SERAC1: variants seen among roughly 807,000 people sequenced by gnomAD.
SERAC1 encodes serine active site containing 1.
SERAC1 carries 36 observed loss-of-function variants against 85.7 expected under a neutral mutation model. The ratio of observed to expected loss-of-function variants is 0.42; its 90% CI spans 0.32 to 0.55. The LOEUF (loss-of-function observed/expected upper bound fraction) is 0.55. SERAC1 is among the 20% of genes least tolerant of loss of function. The pLI, the probability that SERAC1 is intolerant of heterozygous loss-of-function variation, is 0.11. For synonymous variants in SERAC1, 242 were observed against 265.3 expected, an observed-to-expected ratio of 0.91 and a Z score of 0.85; for missense variants, 629 against 796.2, an observed-to-expected ratio of 0.79 and a Z score of 2.53.
At position 158,148,829 on chromosome 6, in the gene SERAC1, CT is replaced by C. The variant is rs760898011; in HGVS notation, c.355+35del. ...GATCATTCCAATGACTTTCAGATTA[CT>C]GATAAGGATTCCAAGTCATATAGTG... is the stretch of plus-strand genomic sequence containing the variant. On this transcript the variant is annotated intron_variant, in intron 5 of 16. Transcript: ENST00000647468. The C allele has an allele frequency of 7.1e-6, 10 of 1,403,376 alleles. No individual in the cohort carries two copies. The East Asian group carries it at 2.1e-4, about 29-fold the overall frequency. The allele number at this position is 1,403,376 out of a possible 1,614,324, so 86.9% of individuals were successfully genotyped here.
chr6:158,109,821 AGAAAT>A lies in SERAC1; in HGVS notation c.*1540_*1544del, dbSNP rs1257402221. ...CAATGGAGTAATTTCGGCCATAAAA[AGAAAT>A]GAAGTAGTACTGATACATGCTATAT... On this transcript the variant is annotated 3_prime_UTR_variant, in exon 17 of 17. Transcript: ENST00000647468. The A allele has an allele frequency of 6.6e-5, 10 of 152,372 alleles. No individual in the cohort carries two copies. Among genetic ancestry groups the A allele is most frequent in the Admixed American group, 5.2e-4 (8 of 15,306 alleles). The allele number at this position is 152,372 out of a possible 1,614,324, so 9.4% of individuals were successfully genotyped here. A position where few individuals can be genotyped will look rare whatever the true frequency, so the allele number is the denominator to read the frequency against.
chr6:158,138,795 T>G (rs1335873775), intron 8 of SERAC1, among the ~76,000 whole-genome samples: 1 of 152,168 alleles, frequency 6.6e-6, no homozygotes, highest in South Asian at 2.1e-4. Context: ...AATACAGATT[T>G]AGATAAGAAA....
intron 14 of SERAC1, among the ~76,000 whole-genome samples, chr6:158,115,272 G>A (rs1020889709): frequency 1.4e-4 from 21 of 152,196 alleles, no homozygotes; most frequent in Non-Finnish European, 2.6e-4. Flanking sequence ...GCCCAGCTGG[G>A]AGCTCCCTCA....
chr6:158,155,896 A>G (rs1347343675), intron 2 of SERAC1, among the ~76,000 whole-genome samples: 1 of 152,174 alleles, frequency 6.6e-6, no homozygotes, highest in Non-Finnish European at 1.5e-5. Flanking sequence ...TGTAGTTCCA[A>G]CACTTTGGGA....
intron 13 of SERAC1, chr6:158,116,537 A>ATC: frequency 2.4e-6 from 1 of 411,198 alleles, no homozygotes; most frequent in East Asian, 4.6e-5. Flanking sequence ...CACGCCTGGG[A>ATC]TCTCTCTGCT....
At chr6:158,150,978 A>G (rs1380384466) in intron 3 of SERAC1, 1 of 164,292 alleles carries the variant, frequency 6.1e-6, no homozygotes, top group Admixed American at 5.8e-5. Context: ...AATGTTACTG[A>G]TTTATGTATT....
chr6:158,149,117 G>A (rs1206238657), intron 4 of SERAC1, among the ~76,000 whole-genome samples, 163 bp from the exon 5 acceptor site: 1 of 151,932 alleles, frequency 6.6e-6, no homozygotes, highest in Non-Finnish European at 1.5e-5. Context: ...ACAGCCTCCC[G>A]AGTAGCTGGG....
chr6:158,125,951 A>C (rs1784530522), intron 10 of SERAC1, among the ~76,000 whole-genome samples: 1 of 152,202 alleles, frequency 6.6e-6, no homozygotes. Context: ...CAAGTAATAC[A>C]AGAAGTCAGA....
intron 15 of SERAC1, among the ~76,000 whole-genome samples, chr6:158,114,210 C>A (rs1237961136): frequency 6.6e-6 from 1 of 152,102 alleles, no homozygotes; most frequent in African/African-American, 2.4e-5. Flanking sequence ...AAAGAAGGCA[C>A]GTACGGAAAA....
At chr6:158,142,278 A>G (rs1784935694) in intron 8 of SERAC1, among the ~76,000 whole-genome samples, 1 of 151,318 alleles carries the variant, frequency 6.6e-6, no homozygotes, top group Non-Finnish European at 1.5e-5. Flanking sequence ...CTCCCAGCTC[A>G]GCCTCTCAAA....
intron 7 of SERAC1, 125 bp from the exon 8 acceptor site, chr6:158,143,309 C>CTG: frequency 3.6e-6 from 1 of 276,306 alleles, no homozygotes; most frequent in Non-Finnish European, 6.6e-6. Context: ...GTGCATGTCT[C>CTG]TCTCTCTCTC....
intron 9 of SERAC1, among the ~76,000 whole-genome samples, chr6:158,129,092 G>A (rs1784610253): frequency 6.6e-6 from 1 of 152,136 alleles, no homozygotes; most frequent in Non-Finnish European, 1.5e-5. Context: ...TATATCAAGT[G>A]AGATCTGCAA....
intron 12 of SERAC1, among the ~76,000 whole-genome samples, chr6:158,118,635 AAGAAG>A (rs1161324113): frequency 2.7e-5 from 4 of 150,918 alleles, no homozygotes; most frequent in African/African-American, 7.4e-5. Context: ...AAAAAAAAAA[AAGAAG>A]GAAAGAAATG....
chr6:158,144,211 T>A (rs1004959112), intron 7 of SERAC1, 88 bp downstream of exon 7: 40 of 1,051,804 alleles, frequency 3.8e-5, no homozygotes, highest in South Asian at 3.5e-4. Flanking sequence ...CAACAACTAC[T>A]TTTTTAAAGT....
At chr6:158,167,223 TAAAAAAAAA>T (rs34350104) in intron 1 of SERAC1, among the ~76,000 whole-genome samples, 1 of 101,838 alleles carries the variant, frequency 9.8e-6, no homozygotes, top group African/African-American at 4.0e-5. Flanking sequence ...CACACGATGT[TAAAAAAAAA>T]AAAAAAAAAA....
intron 2 of SERAC1, 112 bp downstream of exon 2, chr6:158,158,161 A>G (rs1256035784): frequency 4.2e-6 from 3 of 718,142 alleles, no homozygotes; most frequent in East Asian, 5.1e-5. Context: ...AGACATAAAC[A>G]AATTTGAGAT....
chr6:158,114,466 T>C, intron 15 of SERAC1: 1 of 1,107,972 alleles, frequency 9.0e-7, no homozygotes, highest in Non-Finnish European at 1.1e-6. Flanking sequence ...TTGATGATTC[T>C]CCACTCATGG....
At chr6:158,118,688 G>A (rs1297119169) in intron 12 of SERAC1, among the ~76,000 whole-genome samples, 1 of 150,372 alleles carries the variant, frequency 6.7e-6, no homozygotes, top group East Asian at 1.9e-4. Flanking sequence ...TTCTATTTTT[G>A]TAATTATTAA....
At chr6:158,118,987 C>A in intron 12 of SERAC1, 42 bp downstream of exon 12, 1 of 1,578,910 alleles carries the variant, frequency 6.3e-7, no homozygotes, top group Non-Finnish European at 8.6e-7. Context: ...CCCCAGCAAC[C>A]AGGGCCCCAG....
Sources: gnomAD v4.1 joint callset for allele counts (sites outside exome capture counted in the v4.1 genomes callset) on GRCh38, gnomAD v4.1.1 for gene constraint, MANE v1.5 for transcripts, NCBI Gene and HGNC (gene_info 2026-07-23, HGNC 2026-07-21) for gene names.